UBOX5: variants seen among roughly 807,000 people sequenced by gnomAD.
UBOX5 encodes the protein RING finger protein 37.
UBOX5 carries 28 observed loss-of-function variants against 39.0 expected under a neutral mutation model. The ratio of observed to expected loss-of-function variants is 0.72; its 90% CI spans 0.53 to 0.98. The LOEUF is 0.98. Among genes scored for constraint, UBOX5 ranks in the 50% least tolerant of loss-of-function variants. The pLI, the probability that UBOX5 is intolerant of heterozygous loss-of-function variation, is 0.00. For synonymous variants in UBOX5, 283 were observed against 275.5 expected (o/e 1.03, Z -0.27); for missense variants, 585 against 674.4 (o/e 0.87, Z 1.47).
At chr20:3,133,914 G>A (rs2066449601) in intron 1 of UBOX5, among the ~76,000 whole-genome samples, 1 of 151,922 alleles carries the variant, frequency 6.6e-6, no homozygotes, top group East Asian at 1.9e-4. Flanking sequence ...CACCACATCC[G>A]GCTAATTTTT....
At chr20:3,141,093 A>G (rs2066514169) in intron 1 of UBOX5, among the ~76,000 whole-genome samples, 1 of 151,112 alleles carries the variant, frequency 6.6e-6, no homozygotes. Context: ...TAATTTCTGT[A>G]TTTTCAGTAG....
intron 1 of UBOX5, among the ~76,000 whole-genome samples, chr20:3,142,597 C>T (rs1269661526): frequency 7.0e-6 from 1 of 142,822 alleles, no homozygotes; most frequent in Admixed American, 7.0e-5. Context: ...GAGTGAGACT[C>T]CGTCTCAAAA....
Position 3,122,119 on chromosome 20 carries a change from T to C in UBOX5, c.520A>G (p.Arg174Gly), listed in dbSNP as rs1231053084. The change falls in exon 3 of 5, where the codon AGG becomes GGG. Residue 174 changes from arginine (R) to glycine (G), a missense_variant. Physicochemically the swap from Arg to Gly is moderately radical, Grantham distance 125 (BLOSUM62 -2). Transcript: ENST00000217173. ...CCTGTCACATGGGTGATACAGATCC[T>C]TAAGTGGGCCACGTGGCTAAGGGAA... ...ALSLSHVAHL[R>G]ICITHVTGGG... The C allele has an allele frequency of 1.9e-6, 3 of 1,614,228 alleles. No homozygotes were observed. Among genetic ancestry groups the C allele is most frequent in the Non-Finnish European group, 2.5e-6 (3 of 1,180,044 alleles).
At chr20:3,134,586 G>A (rs111582957) in intron 1 of UBOX5, among the ~76,000 whole-genome samples, 5,239 of 142,462 alleles carry the variant, frequency 0.037, 301 homozygotes, top group African/African-American at 0.12. Context: ...AAGGCCAGGC[G>A]TGGTGGCTCA....
In UBOX5 at chr20:3,132,619, G is replaced by A. The variant is rs371781634; in HGVS notation, c.-41-9213C>T. ...AGATCACTTGAGGTCAGGAGTTCGA[G>A]ACCAGTCTGGCTAACATGGCGAAAT... On this transcript the variant is annotated intron_variant, in intron 1 of 4. Transcript: ENST00000217173. Among the ~76,000 whole-genome samples, 5 of 152,118 alleles carry A rather than the reference G, an allele frequency of 3.3e-5. 1 individual carries two copies. The highest frequency in any genetic ancestry group is 3.9e-4 in the East Asian group (2 of 5,164).
At chr20:3,144,992 A>G (rs1312945892) in intron 1 of UBOX5, among the ~76,000 whole-genome samples, 1 of 152,226 alleles carries the variant, frequency 6.6e-6, no homozygotes, top group Non-Finnish European at 1.5e-5. Context: ...GAGGGAGCTA[A>G]AAGAAAAATA....
chr20:3,135,715 A>AAC (rs1192741142), intron 1 of UBOX5, among the ~76,000 whole-genome samples: 2 of 152,132 alleles, frequency 1.3e-5, no homozygotes, highest in South Asian at 2.1e-4. Flanking sequence ...TATATATGTG[A>AAC]ACACACAAAC....
chr20:3,134,948 C>T (rs1350175488), intron 1 of UBOX5, among the ~76,000 whole-genome samples: 1 of 151,776 alleles, frequency 6.6e-6, no homozygotes, highest in Non-Finnish European at 1.5e-5. Flanking sequence ...TAACCTAGAT[C>T]AATGTTTTTC....
intron 1 of UBOX5, among the ~76,000 whole-genome samples, chr20:3,133,955 C>T (rs985636567): frequency 1.3e-5 from 2 of 152,056 alleles, no homozygotes. Context: ...TGGGGTTTCA[C>T]CATGTTGCCC....
intron 3 of UBOX5, among the ~76,000 whole-genome samples, chr20:3,118,167 C>T (rs537829215): frequency 2.0e-4 from 30 of 148,662 alleles, no homozygotes; most frequent in African/African-American, 7.0e-4. Context: ...TCCAAAAAAA[C>T]AAAACAAAAA....
At chr20:3,120,829 T>C (rs1291853776) in intron 3 of UBOX5, among the ~76,000 whole-genome samples, 1 of 152,204 alleles carries the variant, frequency 6.6e-6, no homozygotes, top group African/African-American at 2.4e-5. Context: ...CCCACAGACC[T>C]AGTCCTTTTT....
At chr20:3,145,689 G>A (rs1186895672) in intron 1 of UBOX5, among the ~76,000 whole-genome samples, 1 of 152,026 alleles carries the variant, frequency 6.6e-6, no homozygotes, top group African/African-American at 2.4e-5. Flanking sequence ...TTCCCACTTT[G>A]GCCTCCTAAA....
chr20:3,135,399 G>C (rs2066461742), intron 1 of UBOX5, among the ~76,000 whole-genome samples: 1 of 152,150 alleles, frequency 6.6e-6, no homozygotes, highest in Non-Finnish European at 1.5e-5. Context: ...AAGGCACAGA[G>C]GAGGGAAGTG....
chr20:3,108,022 G>A lies in UBOX5; in HGVS notation c.*2084C>T, dbSNP rs1394101710. On this transcript the variant is annotated 3_prime_UTR_variant, in exon 5 of 5. Coordinates refer to ENST00000217173, the MANE Select transcript of UBOX5 (RefSeq NM_014948.4). ...GTGGGTGTCAAGCTGCTGGTGGGAA[G>A]CAGGCTGTTCCCTGAGACCATGACA... 6.6e-6 allele frequency: 1 copy of A among 152,234 alleles called. No homozygotes were observed. Among genetic ancestry groups the A allele is most frequent in the African/African-American group, 2.4e-5 (1 of 41,456 alleles). 9.4% of individuals were successfully genotyped at this position (152,234 alleles called of 1,614,324 possible). A position where few individuals can be genotyped will look rare whatever the true frequency, so the allele number is the denominator to read the frequency against.
Position 3,149,224 on chromosome 20 carries a change from G to A in UBOX5, c.-42+10542C>T. The stretch of plus-strand genomic sequence containing the variant: ...ATCTTCAGCATATCACAAGAGCCAG[G>A]GATCACAAATGACTGGGTCAGAATT... On this transcript the variant is annotated intron_variant, in intron 1 of 4. Coordinates refer to ENST00000217173, the MANE Select transcript of UBOX5 (RefSeq NM_014948.4). The surrounding 1 kb of genome is among the most constrained non-coding windows in gnomAD (Gnocchi z 4.1). 1.3e-6 allele frequency: 1 copy of A among 744,092 alleles called. No homozygotes were observed. The highest frequency in any genetic ancestry group is 2.1e-6 in the Non-Finnish European group (1 of 465,450). 46.1% of individuals were successfully genotyped at this position (744,092 alleles called of 1,614,324 possible).
intron 1 of UBOX5, among the ~76,000 whole-genome samples, chr20:3,129,383 T>C (rs1359825441): frequency 1.3e-5 from 2 of 152,172 alleles, no homozygotes; most frequent in African/African-American, 4.8e-5. Context: ...AACACATTGA[T>C]AAAAATTCAG....
intron 1 of UBOX5, among the ~76,000 whole-genome samples, chr20:3,126,850 A>G (rs1437706062): frequency 6.6e-6 from 1 of 152,040 alleles, no homozygotes; most frequent in Non-Finnish European, 1.5e-5. Flanking sequence ...AGCCTGGCCA[A>G]CATGGTGAAA....
intron 1 of UBOX5, among the ~76,000 whole-genome samples, chr20:3,140,003 C>T (rs1390354037): frequency 2.0e-5 from 3 of 146,758 alleles, no homozygotes; most frequent in Non-Finnish European, 4.5e-5. Context: ...CCACCACACT[C>T]GGCCTTTTTA....
intron 1 of UBOX5, chr20:3,136,126 G>A (rs553891030): frequency 6.6e-6 from 1 of 152,210 alleles, no homozygotes; most frequent in Non-Finnish European, 1.5e-5. Context: ...CCTGGCAAAT[G>A]GCTTCCTGAA....
Sources: allele counts gnomAD v4.1 joint callset (sites outside exome capture counted in the v4.1 genomes callset), GRCh38; gene constraint gnomAD v4.1.1; non-coding constraint Gnocchi (gnomAD v3.1); transcripts MANE v1.5; gene names NCBI Gene and HGNC (gene_info 2026-07-23, HGNC 2026-07-21).